Variants in RAB3C observed in about 807,000 individuals in gnomAD.
The protein encoded by RAB3C is RAB3C, member RAS oncogene family, also known as ras-related protein Rab-3C.
RAB3C carries 17 observed loss-of-function variants against 26.4 expected under a neutral mutation model. That is an observed-to-expected ratio of 0.64 (90% CI 0.44 to 0.97). The LOEUF is 0.97. RAB3C is among the 50% of genes least tolerant of loss of function. The pLI, the probability that RAB3C is intolerant of heterozygous loss-of-function variation, is 0.00. For missense variants in RAB3C, 242 were observed against 281.9 expected (o/e 0.86, Z 1.01); for synonymous variants, 91 against 95.9 (o/e 0.95, Z 0.30).
intron 1 of RAB3C, among the ~76,000 whole-genome samples, chr5:58,596,732 A>G (rs1746275333): frequency 3.8e-5 from 1 of 26,212 alleles, no homozygotes; most frequent in Non-Finnish European, 8.0e-5. Flanking sequence ...ATAATACATA[A>G]TATATAAATA....
Position 58,598,174 on chromosome 5 carries a change from C to T in RAB3C, c.24+14942C>T, listed in dbSNP as rs13187135. On this transcript the variant is annotated intron_variant, in intron 1 of 4. Coordinates refer to ENST00000282878, the MANE Select transcript of RAB3C (RefSeq NM_138453.4). ...ATGTAATACATTATATATAAGTATA[C>T]GATAACATGTAATACATTATATATA... 2.1e-3 allele frequency among the ~76,000 whole-genome samples: 32 copies of T among 15,538 alleles called. 10 individuals carry two copies. The highest frequency in any genetic ancestry group is 3.2e-3 in the African/African-American group (21 of 6,578). 10.2% of individuals were successfully genotyped at this position (15,538 alleles called of 152,430 possible).
At chr5:58,816,867 G>T (rs1317092400) in intron 3 of RAB3C, among the ~76,000 whole-genome samples, 1 of 152,162 alleles carries the variant, frequency 6.6e-6, no homozygotes, top group East Asian at 1.9e-4. Flanking sequence ...CCTATGAAGG[G>T]TGCTATGTTA....
intron 2 of RAB3C, among the ~76,000 whole-genome samples, chr5:58,676,409 A>G (rs1210859360): frequency 6.6e-6 from 1 of 152,122 alleles, no homozygotes; most frequent in Non-Finnish European, 1.5e-5. Context: ...AGGCTGAGGC[A>G]GGAGAATCGC....
At chr5:58,788,998 T>C (rs1357357114) in intron 3 of RAB3C, among the ~76,000 whole-genome samples, 1 of 152,094 alleles carries the variant, frequency 6.6e-6, no homozygotes, top group Admixed American at 6.6e-5. Context: ...TAGGAGTCTA[T>C]GCTAAGGAAC....
At chr5:58,823,242 T>C in intron 3 of RAB3C, 1 of 263,064 alleles carries the variant, frequency 3.8e-6, no homozygotes, top group East Asian at 9.5e-5. Context: ...AAAGCTCATA[T>C]TGGCTGGGCA....
At chr5:58,851,082 C>A in intron 4 of RAB3C, 82 bp from the exon 5 acceptor site, 1 of 1,342,814 alleles carries the variant, frequency 7.4e-7, no homozygotes, top group Non-Finnish European at 1.0e-6. Context: ...ATCACCTCAT[C>A]ACTATTGAAA....
chr5:58,844,124 A>G (rs895269028), intron 4 of RAB3C, among the ~76,000 whole-genome samples: 3 of 152,180 alleles, frequency 2.0e-5, no homozygotes, highest in Admixed American at 6.5e-5. Context: ...GTGGTCAAGG[A>G]ATGAGGGGTG....
chr5:58,664,590 T>C (rs1747967389), intron 2 of RAB3C, among the ~76,000 whole-genome samples: 1 of 152,152 alleles, frequency 6.6e-6, no homozygotes, highest in Non-Finnish European at 1.5e-5. Context: ...CAGGTTGTGA[T>C]ACTGTACTAT....
intron 2 of RAB3C, among the ~76,000 whole-genome samples, chr5:58,643,325 G>A (rs1747449733): frequency 1.3e-5 from 2 of 152,090 alleles, no homozygotes; most frequent in South Asian, 4.1e-4. Flanking sequence ...TTTCAATATG[G>A]AATAATCCTT....
upstream of RAB3C, chr5:58,583,017 A>C: frequency 7.0e-7 from 1 of 1,418,504 alleles, no homozygotes; most frequent in Non-Finnish European, 9.2e-7. Context: ...TACAGCTCCC[A>C]GGAGTGCACG....
At chr5:58,825,206 A>G (rs1378339727) in intron 4 of RAB3C, 44 bp downstream of exon 4, 1 of 1,576,766 alleles carries the variant, frequency 6.3e-7, no homozygotes, top group Non-Finnish European at 8.6e-7. Flanking sequence ...TAATTTGCTT[A>G]TTATATGTAA....
intron 3 of RAB3C, among the ~76,000 whole-genome samples, chr5:58,813,631 T>TATATAC (rs1743145057): frequency 1.7e-4 from 2 of 11,440 alleles, no homozygotes; most frequent in Non-Finnish European, 5.2e-4. Context: ...TATATATATA[T>TATATAC]ATACACACAC....
At chr5:58,719,549 G>A (rs1579877665) in intron 2 of RAB3C, among the ~76,000 whole-genome samples, 1 of 151,948 alleles carries the variant, frequency 6.6e-6, no homozygotes, top group South Asian at 2.1e-4. Flanking sequence ...CTATAACAAA[G>A]AGGCACAAAC....
At chr5:58,713,709 T>C (rs918441974) in intron 2 of RAB3C, among the ~76,000 whole-genome samples, 2 of 152,220 alleles carry the variant, frequency 1.3e-5, no homozygotes, top group Non-Finnish European at 1.5e-5. Flanking sequence ...ACTTGCTTTA[T>C]AAACCCTCAC....
chr5:58,797,013 A>ACACACACACC (rs1392666307), intron 3 of RAB3C, among the ~76,000 whole-genome samples: 4 of 150,914 alleles, frequency 2.7e-5, no homozygotes, highest in Non-Finnish European at 4.4e-5. Flanking sequence ...ACACACACAC[A>ACACACACACC]CCTACCTTCC....
chr5:58,856,454 C>T lies in RAB3C; in HGVS notation c.*5103C>T, dbSNP rs1020532519. On this transcript the variant is annotated 3_prime_UTR_variant, in exon 5 of 5. Coordinates refer to ENST00000282878, the MANE Select transcript of RAB3C (RefSeq NM_138453.4). ...TACTGCAGTTTTTCAAAACACTATC[C>T]TCATGGAATGACAGGACCAAGAATA... The T allele has an allele frequency of 1.3e-5, 2 of 152,134 alleles. No homozygotes were observed. Among genetic ancestry groups the T allele is most frequent in the Admixed American group, 1.3e-4 (2 of 15,266 alleles). The allele number at this position is 152,134 out of a possible 1,614,324, so 9.4% of individuals were successfully genotyped here.
At chr5:58,842,399 G>A (rs1336257665) in intron 4 of RAB3C, among the ~76,000 whole-genome samples, 2 of 152,188 alleles carry the variant, frequency 1.3e-5, no homozygotes, top group South Asian at 4.2e-4. Flanking sequence ...ACTTTTTCTT[G>A]TCTCAATCCC....
chr5:58,670,534 G>A (rs1319206951), intron 2 of RAB3C, among the ~76,000 whole-genome samples: 1 of 152,120 alleles, frequency 6.6e-6, no homozygotes, highest in Non-Finnish European at 1.5e-5. Flanking sequence ...TCAAAGCAAA[G>A]TTATGTAATT....
intron 2 of RAB3C, among the ~76,000 whole-genome samples, chr5:58,677,170 T>A (rs1748246956): frequency 2.0e-5 from 3 of 152,206 alleles, no homozygotes; most frequent in Admixed American, 2.0e-4. Context: ...ATTTCCTTTT[T>A]TTATAAAGAC....
Sources: gnomAD v4.1 joint callset for allele counts (sites outside exome capture counted in the v4.1 genomes callset) on GRCh38, gnomAD v4.1.1 for gene constraint, MANE v1.5 for transcripts, NCBI Gene and HGNC (gene_info 2026-07-23, HGNC 2026-07-21) for gene names.